MORC4: variants seen among roughly 807,000 people sequenced by gnomAD.
The protein encoded by MORC4 is MORC family CW-type zinc finger protein 4.
In MORC4, 22 loss-of-function variants were observed where a neutral mutation model predicts 65.5. The ratio of observed to expected loss-of-function variants is 0.34; its 90% CI spans 0.24 to 0.48. The LOEUF is 0.48. Ranked by LOEUF, MORC4 falls within the 20% of genes least tolerant of loss-of-function variation. MORC4 has a pLI of 0.99. For missense variants in MORC4, 624 were observed against 703.0 expected, an observed-to-expected ratio of 0.89 and a Z score of 1.27; for synonymous variants, 267 against 255.8, an observed-to-expected ratio of 1.04 and a Z score of -0.42.
intron 2 of MORC4, among the ~76,000 whole-genome samples, chrX:106,994,125 T>G (rs949303225): frequency 8.9e-6 from 1 of 112,681 alleles, no homozygotes; most frequent in African/African-American, 3.2e-5. Context: ...AATGAGTTAA[T>G]TATTTAAGAC....
rs191188984 is a variant in MORC4, at chrX:106,964,848, A to G, written c.1158-2738T>C. Among the ~76,000 whole-genome samples the G allele has an allele frequency of 4.4e-4, 49 of 111,087 alleles. No homozygotes were observed. The East Asian group carries it at 0.013, about 30-fold the overall frequency. ...AACATGGTGAAACGCTGTCTCTACT[A>G]AAAATACAAAAGTAGCTGGGCATGG... is the stretch of plus-strand genomic sequence containing the variant. On this transcript the variant is annotated intron_variant, in intron 9 of 16. Coordinates refer to ENST00000355610, the MANE Select transcript of MORC4 (RefSeq NM_024657.5).
In MORC4 at chrX:106,991,025, T is replaced by C. The variant is rs771537920; in HGVS notation, c.308+2205A>G. Among the ~76,000 whole-genome samples the C allele has an allele frequency of 7.1e-5, 8 of 111,907 alleles. No individual in the cohort carries two copies. In the East Asian group the frequency reaches 1.1e-3, roughly 16 times the overall value. ...ATTATTTTTTAAATAGGAGGAACAA[T>C]TGCCCAGCTCAAATCAGTGGTAAAC... On this transcript the variant is annotated intron_variant, in intron 3 of 16. Transcript: ENST00000355610.
At chrX:106,943,944 G>A (rs1933762988) in intron 14 of MORC4, among the ~76,000 whole-genome samples, 1 of 112,682 alleles carries the variant, frequency 8.9e-6, no homozygotes, top group Admixed American at 9.4e-5. Flanking sequence ...GTATGCACTA[G>A]GGGTTGAAGA....
intron 9 of MORC4, among the ~76,000 whole-genome samples, chrX:106,972,539 G>A (rs1483084452): frequency 9.0e-6 from 1 of 111,515 alleles, no homozygotes; most frequent in East Asian, 2.8e-4. Context: ...AATAGATATA[G>A]GATTCCCTAG....
chrX:106,986,631 T>A (rs1271453293), intron 3 of MORC4, among the ~76,000 whole-genome samples: 1 of 111,489 alleles, frequency 9.0e-6, no homozygotes, highest in Non-Finnish European at 1.9e-5. Context: ...GATATTGTCA[T>A]TGGTCAGAGG....
chrX:106,946,992 G>A (rs1187585544), intron 14 of MORC4, among the ~76,000 whole-genome samples: 1 of 111,056 alleles, frequency 9.0e-6, no homozygotes, highest in African/African-American at 3.3e-5. Context: ...TTCCCTCTGA[G>A]TATTTCTTTA....
chrX:106,942,956 C>T lies in MORC4; in HGVS notation c.1935G>A (p.Leu645=). 8.3e-7 allele frequency: 1 copy of T among 1,211,654 alleles called. No individual in the cohort carries two copies. The highest frequency in any genetic ancestry group is 1.1e-6 in the Non-Finnish European group (1 of 895,402). Residue 645 remains leucine (L), a synonymous_variant, in exon 15 of 17, where the codon CTG becomes CTA. Coordinates refer to ENST00000355610, the MANE Select transcript of MORC4 (RefSeq NM_024657.5). ...GGCGTTGGTCTTTGGCCCCTGGATA[C>T]AGAATTGAAACCTCCCTATTCTGAC... ...NTGQNREVSI[L]YPGAKDQRQG... is the part of the protein sequence containing the mutation.
chrX:106,960,758 C>T (rs1421160975), intron 10 of MORC4, among the ~76,000 whole-genome samples: 1 of 112,195 alleles, frequency 8.9e-6, no homozygotes, highest in Non-Finnish European at 1.9e-5. Context: ...CAAAAAATGG[C>T]ATCTCATCTT....
rs755868962 is a variant in MORC4 at position 106,985,994 on chromosome X, T to C, written c.515A>G (p.Asn172Ser). 24 of 1,204,719 alleles carry C rather than the reference T, an allele frequency of 2.0e-5. No individual in the cohort carries two copies. Among genetic ancestry groups the C allele is most frequent in the Non-Finnish European group, 2.4e-5 (21 of 891,139 alleles). ...QAVIVPIVPFNQQNKKMIITE... is the reference protein window; with the variant it reads ...QAVIVPIVPFSQQNKKMIITE... ...TCCAGAAAGGATATTGTTTTGCTGGTTGAATGGAACAATTGGTACAATAAC... is the reference window on the plus strand; with the variant it reads ...TCCAGAAAGGATATTGTTTTGCTGGCTGAATGGAACAATTGGTACAATAAC... Residue 172 changes from asparagine (N) to serine (S), a missense_variant, in exon 4 of 17, where the codon AAC becomes AGC. Coordinates refer to ENST00000355610, the MANE Select transcript of MORC4 (RefSeq NM_024657.5).
intron 2 of MORC4, among the ~76,000 whole-genome samples, chrX:106,993,712 T>C (rs1935024932): frequency 1.8e-5 from 2 of 112,542 alleles, no homozygotes; most frequent in South Asian, 7.3e-4. Context: ...TTTAGCCCCT[T>C]TACTGTTTGT....
chrX:106,941,701 G>A, intron 16 of MORC4, 69 bp from the exon 17 acceptor site: 1 of 1,063,896 alleles, frequency 9.4e-7, no homozygotes, highest in Non-Finnish European at 1.3e-6. Flanking sequence ...ATAAAATGAA[G>A]CCCCTTCAAA....
intron 3 of MORC4, among the ~76,000 whole-genome samples, chrX:106,991,474 C>A (rs1934981699): frequency 8.9e-6 from 1 of 112,278 alleles, no homozygotes; most frequent in Non-Finnish European, 1.9e-5. Flanking sequence ...TCTTCTCCTC[C>A]CTTCTACCTT....
intron 9 of MORC4, among the ~76,000 whole-genome samples, chrX:106,970,849 A>G (rs1934493720): frequency 8.9e-6 from 1 of 112,145 alleles, no homozygotes; most frequent in African/African-American, 3.2e-5. Context: ...CTCCATGCTC[A>G]TGGATAGGAA....
Position 106,994,768 on chromosome X carries a change from T to C in MORC4, c.176-1406A>G, listed in dbSNP as rs189613195. Among the ~76,000 whole-genome samples, 67 of 108,465 alleles carry C rather than the reference T, an allele frequency of 6.2e-4. 1 individual carries two copies. In the East Asian group the frequency reaches 0.014, roughly 22 times the overall value. The allele number at this position is 108,465 out of a possible 115,157, so 94.2% of individuals were successfully genotyped here. A position where few individuals can be genotyped will look rare whatever the true frequency, so the allele number is the denominator to read the frequency against. Reference sequence around the variant, plus strand: ...AAGGGGATTAAGAGGCCTGGTATAGTCAATCTTTTTTTTTTCTTTTTTTTC... The same window carrying C: ...AAGGGGATTAAGAGGCCTGGTATAGCCAATCTTTTTTTTTTCTTTTTTTTC... On this transcript the variant is annotated intron_variant, in intron 2 of 16. Transcript: ENST00000355610.
chrX:106,971,418 T>C (rs1023068286), intron 9 of MORC4, among the ~76,000 whole-genome samples: 4 of 111,995 alleles, frequency 3.6e-5, no homozygotes, highest in African/African-American at 1.3e-4. Flanking sequence ...AAAGACTTCA[T>C]GTCTAAAACA....
chrX:106,974,657 A>G (rs1449392940), intron 9 of MORC4, among the ~76,000 whole-genome samples: 1 of 111,706 alleles, frequency 9.0e-6, no homozygotes, highest in African/African-American at 3.2e-5. Context: ...TGTAAGCTCC[A>G]CAACTGTTAA....
chrX:106,986,046 A>C lies in MORC4; in HGVS notation c.463T>G (p.Tyr155Asp). 1 of 1,211,109 alleles carries C rather than the reference A, an allele frequency of 8.3e-7. No individual in the cohort carries two copies. The highest frequency in any genetic ancestry group is 1.1e-6 in the Non-Finnish European group (1 of 894,850). ...TLTVGLLSQTYLECVQAQAVI... is the reference protein window; with the variant it reads ...TLTVGLLSQTDLECVQAQAVI... ...GCCTGGGCCTGGACACATTCCAGAT[A>C]GGTCTGTGATAGAAGTCCAACAGTG... Residue 155 changes from tyrosine (Y) to aspartate (D), a missense_variant, in exon 4 of 17, where the codon TAT (tyrosine) becomes GAT (aspartate). Coordinates refer to ENST00000355610, the MANE Select transcript of MORC4 (RefSeq NM_024657.5).
chrX:106,946,588 G>A (rs1933834377), intron 14 of MORC4, among the ~76,000 whole-genome samples: 1 of 112,211 alleles, frequency 8.9e-6, no homozygotes, highest in Non-Finnish European at 1.9e-5. Context: ...ATGCTGCTAT[G>A]AACATTAGCA....
intron 14 of MORC4, among the ~76,000 whole-genome samples, chrX:106,943,928 G>C (rs1933762720): frequency 8.9e-6 from 1 of 112,622 alleles, no homozygotes; most frequent in Non-Finnish European, 1.9e-5. Flanking sequence ...TCCATGTTTG[G>C]CTGCTGTATG....
Sources: gnomAD v4.1 joint callset for allele counts (sites outside exome capture counted in the v4.1 genomes callset) on GRCh38, gnomAD v4.1.1 for gene constraint, MANE v1.5 for transcripts, NCBI Gene and HGNC (gene_info 2026-07-23, HGNC 2026-07-21) for gene names.